EXOC1: variants seen among roughly 807,000 people sequenced by gnomAD.
EXOC1 encodes the protein exocyst complex component 1.
A neutral mutation model predicts 107.7 loss-of-function variants in EXOC1; 67 were observed. The ratio of observed to expected loss-of-function variants is 0.62; its 90% confidence interval spans 0.51 to 0.76. EXOC1 has a LOEUF of 0.76. Ranked by LOEUF, EXOC1 falls within the 30% of genes least tolerant of loss-of-function variation. The pLI is 0.00. For missense variants in EXOC1, 833 were observed against 1,055.7 expected (o/e 0.79, Z 2.92); for synonymous variants, 348 against 353.5 (o/e 0.98, Z 0.17).
intron 8 of EXOC1, 161 bp from the exon 9 acceptor site, chr4:55,877,756 G>A (rs1723032914): frequency 1.0e-6 from 1 of 984,292 alleles, no homozygotes; most frequent in South Asian, 4.7e-5. Flanking sequence ...TATAAAAGTT[G>A]TGTAAGTATT....
chr4:55,875,588 C>G, intron 8 of EXOC1: 12 of 985,050 alleles, frequency 1.2e-5, no homozygotes, highest in Non-Finnish European at 1.4e-5. Context: ...ACATTTGTGC[C>G]TGAGTAAACA....
In EXOC1 at chr4:55,860,593, A is replaced by G. The variant is rs770431573; in HGVS notation, c.255+52A>G. On this transcript the variant is annotated intron_variant, in intron 3 of 18. Transcript: ENST00000381295. ...GTGTTCAGAAAGCATCTTTCATTTT[A>G]TAACATGGTATTACATATTCTAAAA... 1.6e-5 allele frequency: 25 copies of G among 1,598,140 alleles called. 1 individual carries two copies. Among genetic ancestry groups the G allele is most frequent in the South Asian group, 1.3e-4 (12 of 90,124 alleles).
intron 10 of EXOC1, among the ~76,000 whole-genome samples, chr4:55,886,021 C>G (rs1012302976): frequency 1.3e-5 from 2 of 152,066 alleles, no homozygotes; most frequent in African/African-American, 4.8e-5. Flanking sequence ...CAGTACGAAC[C>G]ATACTTCAAG....
intron 3 of EXOC1, among the ~76,000 whole-genome samples, chr4:55,863,387 C>T (rs1420292342): frequency 6.6e-6 from 1 of 152,056 alleles, no homozygotes; most frequent in Non-Finnish European, 1.5e-5. Context: ...CCTGTAATTC[C>T]AGCACTTTGG....
chr4:55,854,035 A>C (rs1328271908), intron 1 of EXOC1, 82 bp downstream of exon 1: 1 of 152,226 alleles, frequency 6.6e-6, no homozygotes, highest in East Asian at 1.9e-4. Flanking sequence ...GGCAGTCCTC[A>C]CGGGCCCCAT....
chr4:55,854,726 CT>C (rs1720801326), intron 1 of EXOC1, among the ~76,000 whole-genome samples: 1 of 152,196 alleles, frequency 6.6e-6, no homozygotes, highest in East Asian at 1.9e-4. Context: ...TTGCCTCTTA[CT>C]GTACACTCAG....
chr4:55,877,649 C>T lies in EXOC1; in HGVS notation c.1075-268C>T, dbSNP rs577728227. The T allele has an allele frequency of 3.8e-5, 37 of 985,272 alleles. No individual in the cohort carries two copies. The African/African-American group carries it at 6.5e-4, about 17-fold the overall frequency. 61.0% of individuals were successfully genotyped at this position (985,272 alleles called of 1,614,324 possible). ...TCATTAAAACGTTCCATCTTCATTC[C>T]TTTAAAAGACGGAATGGGTAGTTGA... On this transcript the variant is annotated intron_variant, in intron 8 of 18. Transcript: ENST00000381295.
chr4:55,865,837 AG>A (rs995539722), intron 4 of EXOC1, among the ~76,000 whole-genome samples: 1 of 152,094 alleles, frequency 6.6e-6, no homozygotes, highest in African/African-American at 2.4e-5. Flanking sequence ...AAAAAAAAAA[AG>A]GCATTCAATT....
At chr4:55,883,482 G>A (rs1201104489) in intron 9 of EXOC1, 1 of 176,884 alleles carries the variant, frequency 5.7e-6, no homozygotes, top group African/African-American at 2.4e-5. Flanking sequence ...TGAATACTGT[G>A]CTGTCATTAA....
At chr4:55,896,522 A>C (rs551892491) in intron 15 of EXOC1, among the ~76,000 whole-genome samples, 195 bp from the exon 16 acceptor site, 1 of 152,288 alleles carries the variant, frequency 6.6e-6, no homozygotes, top group African/African-American at 2.4e-5. Flanking sequence ...CTATAGAATT[A>C]GTTTTTCTTA....
At chr4:55,879,203 A>C (rs1252233028) in intron 9 of EXOC1, among the ~76,000 whole-genome samples, 1 of 152,236 alleles carries the variant, frequency 6.6e-6, no homozygotes, top group Non-Finnish European at 1.5e-5. Flanking sequence ...GAAACAGGCA[A>C]ATACTTGCCT....
chr4:55,867,266 A>G (rs954095424), intron 4 of EXOC1, among the ~76,000 whole-genome samples: 11 of 152,206 alleles, frequency 7.2e-5, no homozygotes, highest in African/African-American at 2.7e-4. Flanking sequence ...ATCTCTCTAA[A>G]GAACTTATAT....
chr4:55,879,282 C>G (rs1311953902), intron 9 of EXOC1, among the ~76,000 whole-genome samples: 1 of 152,164 alleles, frequency 6.6e-6, no homozygotes, highest in Non-Finnish European at 1.5e-5. Context: ...TTAAAAGGTG[C>G]TGCTGAGTGT....
At chr4:55,858,185 G>A (rs943358707) in intron 1 of EXOC1, 129 bp from the exon 2 acceptor site, 35 of 759,494 alleles carry the variant, frequency 4.6e-5, no homozygotes, top group Non-Finnish European at 5.8e-5. Context: ...TGTGATATAG[G>A]TGTATTCATA....
chr4:55,891,453 T>G, intron 13 of EXOC1, 31 bp downstream of exon 13: 1 of 1,384,574 alleles, frequency 7.2e-7, no homozygotes, highest in Non-Finnish European at 1.0e-6. Flanking sequence ...TGGATAGTAT[T>G]TATGATCTGT....
At chr4:55,899,597 A>C in intron 16 of EXOC1, 88 bp from the exon 17 acceptor site, 1 of 1,209,366 alleles carries the variant, frequency 8.3e-7, no homozygotes, top group South Asian at 1.6e-5. Flanking sequence ...TAAACTTACA[A>C]ATGAAAAAAA....
intron 8 of EXOC1, chr4:55,877,361 T>C (rs1722996618): frequency 1.0e-6 from 1 of 984,792 alleles, no homozygotes; most frequent in Non-Finnish European, 1.2e-6. Flanking sequence ...GCCTTTTGCT[T>C]GTTGTTGGGA....
rs373611067 is a variant in EXOC1 at position 55,899,772 on chromosome 4, G to A, written c.2225G>A (p.Arg742Gln). 41 of 1,613,298 alleles carry A rather than the reference G, an allele frequency of 2.5e-5. No individual in the cohort carries two copies. Among genetic ancestry groups the A allele is most frequent in the African/African-American group, 1.1e-4 (8 of 74,812 alleles). ...CACCATATTTTTGCAACTCTTTCTC[G>A]ATTGAAAATCTCATGTCTAGAAGCA... ...NFHHIFATLSRLKISCLEAEK... is the reference protein window; with the variant it reads ...NFHHIFATLSQLKISCLEAEK... Residue 742 changes from arginine to glutamine, a missense_variant, in exon 17 of 19, where the codon CGA becomes CAA. Arg to Gln is a conservative substitution (Grantham distance 43, BLOSUM62 1). Transcript: ENST00000381295.
chr4:55,894,903 A>G (rs368815179), intron 15 of EXOC1, among the ~76,000 whole-genome samples: 2 of 152,042 alleles, frequency 1.3e-5, no homozygotes, highest in East Asian at 3.9e-4. Context: ...ATTACAAGCA[A>G]GAGACACCGG....
Sources: gnomAD v4.1 joint callset for allele counts (sites outside exome capture counted in the v4.1 genomes callset) on GRCh38, gnomAD v4.1.1 for gene constraint, MANE v1.5 for transcripts, NCBI Gene and HGNC (gene_info 2026-07-23, HGNC 2026-07-21) for gene names.